TMPRSS11A: variants seen among roughly 807,000 people sequenced by gnomAD.
TMPRSS11A encodes the protein transmembrane protease serine 11A.
A neutral mutation model predicts 58.9 loss-of-function variants in TMPRSS11A; 53 were observed. The ratio of observed to expected loss-of-function variants is 0.90; its 90% CI spans 0.72 to 1.13. The LOEUF (loss-of-function observed/expected upper bound fraction) is 1.13, where lower values mean the gene tolerates loss of function less well. TMPRSS11A is among the 50% of genes most tolerant of loss of function. The pLI is 0.00. For missense variants in TMPRSS11A, 493 were observed against 499.3 expected, an observed-to-expected ratio of 0.99 and a Z score of 0.12; for synonymous variants, 167 against 169.8, an observed-to-expected ratio of 0.98 and a Z score of 0.13.
At chr4:67,950,220 T>G (rs1721124978) in intron 1 of TMPRSS11A, among the ~76,000 whole-genome samples, 1 of 152,230 alleles carries the variant, frequency 6.6e-6, no homozygotes, top group African/African-American at 2.4e-5. Context: ...AAATTTGTGA[T>G]CCTCTTCCAA....
chr4:67,944,568 T>C lies in TMPRSS11A; in HGVS notation c.203A>G (p.Gln68Arg). 1.2e-6 allele frequency: 2 copies of C among 1,613,222 alleles called. No individual in the cohort carries two copies. The highest frequency in any genetic ancestry group is 1.7e-6 in the Non-Finnish European group (2 of 1,179,282). Residue 68 changes from glutamine to arginine, a missense_variant, in exon 3 of 10, where the codon CAA becomes CGA. Gln to Arg is a conservative substitution (Grantham distance 43). Coordinates refer to ENST00000508048, the MANE Select transcript of TMPRSS11A (RefSeq NM_001114387.2). Reference protein sequence around the residue: ...LDPQINNNFGQSNTYQLKDLR... With the variant: ...LDPQINNNFGRSNTYQLKDLR... ...GTCCTTAAGTTGATATGTGTTGCTT[T>C]GTCCGAAATTGTTATTGATTTGTGG...
At chr4:67,920,311 A>G (rs542766642) in intron 7 of TMPRSS11A, among the ~76,000 whole-genome samples, 69 of 152,188 alleles carry the variant, frequency 4.5e-4, no homozygotes, top group Non-Finnish European at 7.1e-4. Context: ...TCTTCCCTTT[A>G]TAAAACACTG....
At chr4:67,918,237 G>C (rs1360983410) in intron 8 of TMPRSS11A, among the ~76,000 whole-genome samples, 1 of 152,152 alleles carries the variant, frequency 6.6e-6, no homozygotes, top group Non-Finnish European at 1.5e-5. Context: ...TATGTACCTG[G>C]ACCACATGGT....
At chr4:67,931,166 T>C (rs1192085969) in intron 4 of TMPRSS11A, among the ~76,000 whole-genome samples, 2 of 152,130 alleles carry the variant, frequency 1.3e-5, no homozygotes, top group African/African-American at 4.8e-5. Flanking sequence ...ATATGCTTTT[T>C]CCCTCCTAAG....
At chr4:67,939,860 C>T (rs148650336) in intron 3 of TMPRSS11A, among the ~76,000 whole-genome samples, 1,660 of 151,874 alleles carry the variant, frequency 0.011, 28 homozygotes, top group African/African-American at 0.038. Context: ...GGCTAATTTT[C>T]GTATTTTTAA....
chr4:67,963,284 C>T (rs1721483631), intron 1 of TMPRSS11A, 99 bp downstream of exon 1: 1 of 1,244,942 alleles, frequency 8.0e-7, no homozygotes, highest in Non-Finnish European at 1.2e-6. Context: ...ATTGAATCCA[C>T]CAAAGACACC....
chr4:67,920,549 A>ATATATATATT (rs371252656), intron 7 of TMPRSS11A, among the ~76,000 whole-genome samples: 15 of 130,894 alleles, frequency 1.1e-4, no homozygotes, highest in African/African-American at 4.3e-4. Context: ...ATATATATAT[A>ATATATATATT]TTTTTTTTTA....
At chr4:67,936,833 G>A (rs1480026253) in intron 3 of TMPRSS11A, among the ~76,000 whole-genome samples, 3 of 152,246 alleles carry the variant, frequency 2.0e-5, no homozygotes, top group East Asian at 3.9e-4. Context: ...AAAGAAAAAA[G>A]TATTAATTCT....
At chr4:67,945,202 G>A (rs1720972311) in intron 2 of TMPRSS11A, among the ~76,000 whole-genome samples, 1 of 152,152 alleles carries the variant, frequency 6.6e-6, no homozygotes, top group African/African-American at 2.4e-5. Flanking sequence ...GCATGAAACA[G>A]GGATAAATCT....
intron 3 of TMPRSS11A, among the ~76,000 whole-genome samples, chr4:67,936,180 G>A (rs946388633): frequency 3.3e-5 from 5 of 152,202 alleles, no homozygotes; most frequent in African/African-American, 1.2e-4. Flanking sequence ...ACCCACTGAT[G>A]GGCAGCAAGC....
At chr4:67,941,954 C>T (rs567370763) in intron 3 of TMPRSS11A, among the ~76,000 whole-genome samples, 7 of 152,164 alleles carry the variant, frequency 4.6e-5, no homozygotes, top group Non-Finnish European at 7.4e-5. Context: ...AATGGATAAG[C>T]GCAGTGTCCA....
chr4:67,935,222 G>T (rs1342982698), intron 3 of TMPRSS11A, among the ~76,000 whole-genome samples: 6 of 152,070 alleles, frequency 3.9e-5, no homozygotes, highest in Non-Finnish European at 8.8e-5. Flanking sequence ...GACATTCAAG[G>T]TCCTCTCCCT....
intron 1 of TMPRSS11A, among the ~76,000 whole-genome samples, chr4:67,955,046 T>A (rs1351089921): frequency 1.3e-5 from 2 of 152,178 alleles, no homozygotes; most frequent in Non-Finnish European, 2.9e-5. Flanking sequence ...GAGGATACAT[T>A]TTGTATGTAA....
At chr4:67,931,245 T>C (rs565413417) in intron 4 of TMPRSS11A, among the ~76,000 whole-genome samples, 26 of 152,266 alleles carry the variant, frequency 1.7e-4, no homozygotes, top group Admixed American at 1.5e-3. Context: ...AGTCAAGACA[T>C]AGAGAACTTT....
At chr4:67,961,503 T>C (rs60885778) in intron 1 of TMPRSS11A, among the ~76,000 whole-genome samples, 11,493 of 26,642 alleles carry the variant, frequency 0.43, 1,829 homozygotes, top group East Asian at 0.6. Flanking sequence ...TTTTTTTTTT[T>C]TTTTTTTTTT....
chr4:67,920,549 A>ATATATATATATATATATATTT (rs371252656), intron 7 of TMPRSS11A, among the ~76,000 whole-genome samples: 1 of 130,900 alleles, frequency 7.6e-6, no homozygotes, highest in African/African-American at 3.1e-5. Context: ...ATATATATAT[A>ATATATATATATATATATATTT]TTTTTTTTTA....
chr4:67,935,428 G>A (rs1451120206), intron 3 of TMPRSS11A, among the ~76,000 whole-genome samples: 2 of 152,064 alleles, frequency 1.3e-5, no homozygotes, highest in African/African-American at 2.4e-5. Context: ...GGGGATATTC[G>A]TTAATCTCAA....
At chr4:67,935,653 T>C (rs1362538331) in intron 3 of TMPRSS11A, among the ~76,000 whole-genome samples, 1 of 152,166 alleles carries the variant, frequency 6.6e-6, no homozygotes, top group Non-Finnish European at 1.5e-5. Flanking sequence ...TGCATGCTGT[T>C]GGTATGTAGT....
At chr4:67,957,135 G>T (rs1017613906) in intron 1 of TMPRSS11A, among the ~76,000 whole-genome samples, 1 of 152,250 alleles carries the variant, frequency 6.6e-6, no homozygotes, top group East Asian at 1.9e-4. Context: ...TTTGTAAATT[G>T]CCCAGTCTCA....
Sources: allele counts gnomAD v4.1 joint callset (sites outside exome capture counted in the v4.1 genomes callset), GRCh38; gene constraint gnomAD v4.1.1; transcripts MANE v1.5; gene names NCBI Gene and HGNC (gene_info 2026-07-23, HGNC 2026-07-21).